TAB2: variants seen among roughly 807,000 people sequenced by gnomAD.
The protein encoded by TAB2 is TGF-beta activated kinase 1 (MAP3K7) binding protein 2.
TAB2 carries 3 observed loss-of-function variants against 65.0 expected under a neutral mutation model. The observed-to-expected ratio is 0.05, with a 90% CI of 0.02 to 0.12. The LOEUF is 0.12. TAB2 is among the 10% of genes least tolerant of loss of function. TAB2 has a pLI of 1.00. For missense variants in TAB2, 623 were observed against 840.3 expected (o/e 0.74, Z 3.20); for synonymous variants, 298 against 285.1 (o/e 1.05, Z -0.46).
rs1583169751 is a variant in TAB2 at position 149,410,043 on chromosome 6, C to T, written c.*324C>T. The T allele has an allele frequency of 2.9e-6, 1 of 349,032 alleles. No homozygotes were observed. Among genetic ancestry groups the T allele is most frequent in the East Asian group, 6.3e-5 (1 of 15,796 alleles). 21.6% of individuals were successfully genotyped at this position (349,032 alleles called of 1,614,324 possible). A position where few individuals can be genotyped will look rare whatever the true frequency, so the allele number is the denominator to read the frequency against. The stretch of plus-strand genomic sequence containing the variant: ...GGTGTTCCCAATACCTTTTTCCCCT[C>T]ATGTCACTACTGAATTTTGACAGGA... On this transcript the variant is annotated 3_prime_UTR_variant, in exon 7 of 7. Coordinates refer to ENST00000637181, the MANE Select transcript of TAB2 (RefSeq NM_001292034.3).
At chr6:149,316,089 GA>G (rs1779244831), upstream of TAB2, among the ~76,000 whole-genome samples, 1 of 152,132 alleles carries the variant, frequency 6.6e-6, no homozygotes, top group South Asian at 2.1e-4. Flanking sequence ...ATTGAGTATG[GA>G]AATAATTCCT....
chr6:149,233,132 G>T (rs1170060449), intron 1 of TAB2, among the ~76,000 whole-genome samples: 3 of 152,128 alleles, frequency 2.0e-5, no homozygotes, highest in Non-Finnish European at 4.4e-5. Context: ...TCATGGGTGG[G>T]GACAAATGAT....
At chr6:149,284,392 G>A (rs1778631220) in intron 1 of TAB2, among the ~76,000 whole-genome samples, 1 of 152,086 alleles carries the variant, frequency 6.6e-6, no homozygotes, top group Admixed American at 6.6e-5. Flanking sequence ...ATATTTCCCT[G>A]TGAATATTTC....
At chr6:149,275,473 A>C (rs1778455076) in intron 1 of TAB2, among the ~76,000 whole-genome samples, 1 of 152,188 alleles carries the variant, frequency 6.6e-6, no homozygotes, top group Non-Finnish European at 1.5e-5. Flanking sequence ...TATATACCTT[A>C]TTGAATAAAT....
chr6:149,246,468 A>G (rs1777720234), intron 1 of TAB2: 1 of 152,162 alleles, frequency 6.6e-6, no homozygotes, highest in African/African-American at 2.4e-5. Flanking sequence ...TTTTTCTAAA[A>G]CCGCTAATCA....
chr6:149,231,717 T>G (rs1777409688), intron 1 of TAB2, among the ~76,000 whole-genome samples: 1 of 152,168 alleles, frequency 6.6e-6, no homozygotes, highest in Non-Finnish European at 1.5e-5. Context: ...ATTTTCGAAA[T>G]GAGTGTGAAA....
Position 149,397,776 on chromosome 6 carries a change from T to C in TAB2, c.1764+12T>C, listed in dbSNP as rs1181494860. The C allele has an allele frequency of 1.2e-6, 2 of 1,612,218 alleles. No homozygotes were observed. The highest frequency in any genetic ancestry group is 1.3e-5 in the African/African-American group (1 of 74,892). Reference sequence around the variant, plus strand: ...CCCAGATACCTTCCGTAAGTCTTTATGTAACTGTTGTGATCTCTGCTTGAA... The same window carrying C: ...CCCAGATACCTTCCGTAAGTCTTTACGTAACTGTTGTGATCTCTGCTTGAA... On this transcript the variant is annotated intron_variant, in intron 4 of 6. Coordinates refer to ENST00000637181, the MANE Select transcript of TAB2 (RefSeq NM_001292034.3).
At chr6:149,364,332 C>A (rs1200389961) in intron 1 of TAB2, among the ~76,000 whole-genome samples, 3 of 152,182 alleles carry the variant, frequency 2.0e-5, no homozygotes, top group South Asian at 2.1e-4. Flanking sequence ...TGATTTGGGC[C>A]CTACCTATTT....
At chr6:149,332,322 G>A (rs1779809138) in intron 1 of TAB2, among the ~76,000 whole-genome samples, 1 of 152,018 alleles carries the variant, frequency 6.6e-6, no homozygotes, top group Non-Finnish European at 1.5e-5. Flanking sequence ...AAGTTATAGT[G>A]GTATTTGTTT....
chr6:149,232,435 C>A (rs1006492448), intron 1 of TAB2, among the ~76,000 whole-genome samples: 3 of 152,118 alleles, frequency 2.0e-5, no homozygotes, highest in African/African-American at 7.2e-5. Flanking sequence ...ACCATTTTGC[C>A]AGGCTGGTCT....
At chr6:149,277,674 A>C (rs748177799) in intron 1 of TAB2, among the ~76,000 whole-genome samples, 8 of 152,172 alleles carry the variant, frequency 5.3e-5, no homozygotes, top group Non-Finnish European at 8.8e-5. Context: ...TATTCAAAAA[A>C]TCAAATACAT....
At chr6:149,322,125 A>G (rs1231588412) in intron 1 of TAB2, among the ~76,000 whole-genome samples, 1 of 152,118 alleles carries the variant, frequency 6.6e-6, no homozygotes, top group Non-Finnish European at 1.5e-5. Context: ...TTGAGCACTT[A>G]TTATGTGCTA....
intron 1 of TAB2, among the ~76,000 whole-genome samples, chr6:149,337,124 A>G (rs1779957807): frequency 6.6e-6 from 1 of 152,138 alleles, no homozygotes; most frequent in Non-Finnish European, 1.5e-5. Context: ...CTTCAGAATT[A>G]TGGTTTTTAT....
chr6:149,219,015 CT>C (rs1385223942), intron 1 of TAB2, among the ~76,000 whole-genome samples: 1 of 152,192 alleles, frequency 6.6e-6, no homozygotes, highest in Non-Finnish European at 1.5e-5. Flanking sequence ...AACTTGTGAA[CT>C]TTCTGTTTGG....
chr6:149,219,911 G>A (rs1384856153), intron 1 of TAB2, among the ~76,000 whole-genome samples: 1 of 152,034 alleles, frequency 6.6e-6, no homozygotes, highest in Non-Finnish European at 1.5e-5. Flanking sequence ...AAACCCCAAA[G>A]AACTTTTGTT....
intron 1 of TAB2, among the ~76,000 whole-genome samples, chr6:149,355,832 C>A (rs1224413450): frequency 6.6e-6 from 1 of 152,014 alleles, no homozygotes; most frequent in Non-Finnish European, 1.5e-5. Flanking sequence ...GGATCATGCC[C>A]AACTAAATTT....
rs370056053 is a variant in TAB2 at position 149,342,344 on chromosome 6, G to A, written c.-90+24329G>A. On this transcript the variant is annotated intron_variant, in intron 1 of 6. Transcript: ENST00000637181. Reference sequence around the variant, plus strand: ...ATGAGGACTTTACATTTCCAATTTTGGATTTTGTTGTTGTTTTTCTCTTTC... The same window carrying A: ...ATGAGGACTTTACATTTCCAATTTTAGATTTTGTTGTTGTTTTTCTCTTTC... Among the ~76,000 whole-genome samples the A allele has an allele frequency of 2.0e-4, 30 of 152,184 alleles. No homozygotes were observed. In the East Asian group the frequency reaches 2.3e-3, roughly 12 times the overall value.
chr6:149,364,363 C>T (rs143287292), intron 1 of TAB2, among the ~76,000 whole-genome samples: 2 of 152,242 alleles, frequency 1.3e-5, no homozygotes, highest in East Asian at 1.9e-4. Context: ...TTGCTCTCTA[C>T]AGTTTTTCCC....
intron 1 of TAB2, among the ~76,000 whole-genome samples, chr6:149,327,956 A>T (rs1252735267): frequency 6.6e-6 from 1 of 152,194 alleles, no homozygotes; most frequent in African/African-American, 2.4e-5. Context: ...TTTTCCCCTC[A>T]TGAACATTGC....
Sources: allele counts gnomAD v4.1 joint callset (sites outside exome capture counted in the v4.1 genomes callset), GRCh38; gene constraint gnomAD v4.1.1; transcripts MANE v1.5; gene names NCBI Gene and HGNC (gene_info 2026-07-23, HGNC 2026-07-21).